RPUSD2: variants seen among roughly 807,000 people sequenced by gnomAD.
RPUSD2 encodes the protein RNA pseudouridine synthase domain containing 2.
RPUSD2 carries 31 observed loss-of-function variants against 41.5 expected under a neutral mutation model. The observed-to-expected ratio is 0.75, with a 90% CI of 0.56 to 1.01. The LOEUF is 1.01. Ranked by LOEUF, RPUSD2 falls within the 50% of genes least tolerant of loss-of-function variation. The probability of loss-of-function intolerance (pLI) is 0.00; values close to 1 mark genes in which losing one functional copy is unlikely to be tolerated. For missense variants in RPUSD2, 749 were observed against 724.7 expected (o/e 1.03, Z -0.38); for synonymous variants, 305 against 289.7 (o/e 1.05, Z -0.54).
rs1012263265 is a variant in RPUSD2, at chr15:40,574,355, A to G, written c.*94A>G. On this transcript the variant is annotated 3_prime_UTR_variant, in exon 3 of 3. Transcript: ENST00000315616. ...CCATGGGCTAGTACTTGGGGTTTCT[A>G]TAGGAATGAGGACGGGCTTCTAAAG... 2.7e-6 allele frequency: 4 copies of G among 1,457,794 alleles called. No individual in the cohort carries two copies. Among genetic ancestry groups the G allele is most frequent in the African/African-American group, 2.8e-5 (2 of 70,918 alleles). 90.3% of individuals were successfully genotyped at this position (1,457,794 alleles called of 1,614,324 possible).
chr15:40,574,105 G>A lies in RPUSD2; in HGVS notation c.1482G>A (p.Glu494=), dbSNP rs1566990660. ...KAVETDVMNQ[E]TDPLCAECRL... ...TTGAAACAGATGTCATGAATCAAGA[G>A]ACAGACCCACTCTGTGCAGAGTGCC... Residue 494 remains glutamate, a synonymous_variant, in exon 3 of 3, where the codon GAG becomes GAA. Transcript: ENST00000315616. The A allele has an allele frequency of 6.2e-7, 1 of 1,614,206 alleles. No individual in the cohort carries two copies.
At position 40,571,911 on chromosome 15, in the gene RPUSD2, C is replaced by T. The variant is rs368469457; in HGVS notation, c.903+11C>T. 3.8e-5 allele frequency: 61 copies of T among 1,610,448 alleles called. No individual in the cohort carries two copies. The highest frequency in any genetic ancestry group is 4.9e-5 in the Non-Finnish European group (58 of 1,178,292). On this transcript the variant is annotated intron_variant, in intron 2 of 2. Coordinates refer to ENST00000315616, the MANE Select transcript of RPUSD2 (RefSeq NM_152260.3). ...GTTCGGGACCGGCAGGTGAGTCAGG[C>T]TTTTGTCTCCTACAGGCCACTTCTT...
chr15:40,573,441 A>T, intron 2 of RPUSD2, 86 bp from the exon 3 acceptor site: 7 of 1,453,730 alleles, frequency 4.8e-6, no homozygotes, highest in Non-Finnish European at 5.6e-6. Context: ...GAATTTTCTG[A>T]CACTGGTCCT....
At chr15:40,572,732 AAAGAAATAAATTAACAT>A (rs1891170019) in intron 2 of RPUSD2, among the ~76,000 whole-genome samples, 1 of 152,186 alleles carries the variant, frequency 6.6e-6, no homozygotes, top group Admixed American at 6.5e-5. Context: ...ACTCCGTCTC[AAAGAAATAAATTAACAT>A]AAGAAAATAA....
In RPUSD2 at chr15:40,569,486, G is replaced by A. The variant is rs1278749469; in HGVS notation, c.149G>A (p.Arg50Lys). ...STQVGTEGGL[R>K]ASHQQNGDAG... The stretch of plus-strand genomic sequence containing the variant: ...CAGGTTGGGACAGAGGGCGGGCTGA[G>A]GGCTTCGCATCAGCAAAACGGTGAC... Residue 50 changes from arginine (R) to lysine (K), a missense_variant, in exon 1 of 3, where the codon AGG becomes AAG. By Grantham distance (26) the Arg-to-Lys change is conservative. Transcript: ENST00000315616. 1.3e-6 allele frequency: 2 copies of A among 1,564,344 alleles called. No individual in the cohort carries two copies. The highest frequency in any genetic ancestry group is 1.7e-6 in the Non-Finnish European group (2 of 1,159,492).
Position 40,569,332 on chromosome 15 carries a change from G to A in RPUSD2, c.-6G>A. 4 of 1,460,614 alleles carry A rather than the reference G, an allele frequency of 2.7e-6. No individual in the cohort carries two copies. Among genetic ancestry groups the A allele is most frequent in the Non-Finnish European group, 2.7e-6 (3 of 1,105,862 alleles). The allele number at this position is 1,460,614 out of a possible 1,614,324, so 90.5% of individuals were successfully genotyped here. ...ACCCTGGGAGTGGAGTGGGGGCAGC[G>A]TGGTTATGTGGCTGGACCGCCGCGG... On this transcript the variant is annotated 5_prime_UTR_variant, in exon 1 of 3. The change creates a new upstream start codon in the 5' untranslated region. Coordinates refer to ENST00000315616, the MANE Select transcript of RPUSD2 (RefSeq NM_152260.3).
Position 40,569,638 on chromosome 15 carries a change from A to T in RPUSD2, c.301A>T (p.Lys101Ter), listed in dbSNP as rs1472499082. The change falls in exon 1 of 3, where the codon AAG (lysine) becomes TAG (stop). Residue 101 changes from lysine to a stop codon, truncating the protein, a stop_gained. Transcript: ENST00000315616. LOFTEE classifies it high-confidence loss of function. ...AAAPGPGKHK[K>*]RRGATRERVV... is the part of the protein sequence containing the mutation. ...AGCCCCAGGCCCGGGCAAGCATAAG[A>T]AGCGGCGGGGCGCAACCAGGGAGCG... The T allele has an allele frequency of 3.9e-6, 6 of 1,541,036 alleles. No homozygotes were observed. The highest frequency in any genetic ancestry group is 3.9e-5 in the Admixed American group (2 of 51,438).
intron 1 of RPUSD2, 51 bp downstream of exon 1, chr15:40,569,994 T>G (rs1595900435): frequency 7.0e-7 from 1 of 1,423,378 alleles, no homozygotes; most frequent in South Asian, 1.5e-5. Context: ...AGGGGCCGGG[T>G]TTTGTTTTGT....
At chr15:40,572,803 C>T (rs1172263305) in intron 2 of RPUSD2, among the ~76,000 whole-genome samples, 1 of 152,032 alleles carries the variant, frequency 6.6e-6, no homozygotes, top group Non-Finnish European at 1.5e-5. Context: ...ATGGGGAGAG[C>T]CTGCTTGGTG....
intron 1 of RPUSD2, among the ~76,000 whole-genome samples, chr15:40,570,857 T>C (rs1024545228): frequency 3.9e-5 from 6 of 152,190 alleles, no homozygotes; most frequent in Non-Finnish European, 7.3e-5. Context: ...CCCAAGAGCA[T>C]GTAGCGAGCC....
At position 40,573,697 on chromosome 15, in the gene RPUSD2, T is replaced by C. The variant is rs1442603828; in HGVS notation, c.1074T>C (p.Ser358=). The change falls in exon 3 of 3, where the codon AGT becomes AGC. Residue 358 remains serine, a synonymous_variant. Transcript: ENST00000315616. ...FQRLSYNGQS[S]VVRCRPLTGR... The stretch of plus-strand genomic sequence containing the variant: ...GGCTAAGCTACAATGGCCAGTCCAG[T>C]GTGGTACGGTGCCGGCCACTCACAG... The C allele has an allele frequency of 1.9e-6, 3 of 1,614,050 alleles. No homozygotes were observed. Among genetic ancestry groups the C allele is most frequent in the African/African-American group, 2.7e-5 (2 of 74,920 alleles).
rs1005892711 is a variant in RPUSD2, at chr15:40,573,562, G to T, written c.939G>T (p.Glu313Asp). The T allele has an allele frequency of 2.3e-5, 37 of 1,613,934 alleles. No individual in the cohort carries two copies. Among genetic ancestry groups the T allele is most frequent in the Non-Finnish European group, 3.1e-5 (37 of 1,179,942 alleles). ...AGTACGTGTGCCGGGTGGAAGGGGA[G>T]TTCCCCACTGAGGAAGTGACCTGTA... ...EKEYVCRVEG[E>D]FPTEEVTCKE... is the part of the protein sequence containing the mutation. The change falls in exon 3 of 3, where the codon GAG (glutamate) becomes GAT (aspartate). Residue 313 changes from glutamate to aspartate, a missense_variant. Glu to Asp is a conservative substitution (Grantham distance 45, BLOSUM62 2). Transcript: ENST00000315616.
chr15:40,572,147 C>T (rs1891155586), intron 2 of RPUSD2, among the ~76,000 whole-genome samples: 1 of 151,878 alleles, frequency 6.6e-6, no homozygotes, highest in Admixed American at 6.6e-5. Flanking sequence ...CTTTAAAATG[C>T]TGACAAGGCC....
At chr15:40,571,149 C>T (rs1039362386) in intron 1 of RPUSD2, among the ~76,000 whole-genome samples, 1 of 152,090 alleles carries the variant, frequency 6.6e-6, no homozygotes, top group Admixed American at 6.6e-5. Flanking sequence ...TGTGCCACCA[C>T]GCCTGCTAAT....
At chr15:40,570,017 T>TGTTTTGTTTTGTTTTG (rs1891105926) in intron 1 of RPUSD2, 74 bp downstream of exon 1, 171 of 1,440,840 alleles carry the variant, frequency 1.2e-4, no homozygotes, top group Non-Finnish European at 1.4e-4. Context: ...TGTTTTGTTT[T>TGTTTTGTTTTGTTTTG]TTAGTCTTAG....
At chr15:40,571,549 T>C in intron 1 of RPUSD2, 55 bp from the exon 2 acceptor site, 1 of 1,535,050 alleles carries the variant, frequency 6.5e-7, no homozygotes, top group Non-Finnish European at 8.9e-7. Flanking sequence ...GATATGAAGT[T>C]GACTGATTAC....
At position 40,569,570 on chromosome 15, in the gene RPUSD2, A is replaced by C; in HGVS notation, c.233A>C (p.Glu78Ala). The C allele has an allele frequency of 6.5e-7, 1 of 1,533,258 alleles. No homozygotes were observed. The highest frequency in any genetic ancestry group is 8.8e-7 in the Non-Finnish European group (1 of 1,142,484). 95.0% of individuals were successfully genotyped at this position (1,533,258 alleles called of 1,614,324 possible). A position where few individuals can be genotyped will look rare whatever the true frequency, so the allele number is the denominator to read the frequency against. Residue 78 changes from glutamate to alanine, a missense_variant, in exon 1 of 3, where the codon GAA becomes GCA. Physicochemically the swap from Glu to Ala is moderately radical, Grantham distance 107. Coordinates refer to ENST00000315616, the MANE Select transcript of RPUSD2 (RefSeq NM_152260.3). ...SPGPPKPAGR[E>A]VEPAPVGGEH... ...GGGCCCCCGAAGCCGGCTGGCCGGG[A>C]AGTGGAGCCGGCCCCAGTAGGCGGG...
intron 2 of RPUSD2, among the ~76,000 whole-genome samples, chr15:40,572,748 A>G (rs1055085059): frequency 1.3e-5 from 2 of 152,088 alleles, no homozygotes; most frequent in African/African-American, 2.4e-5. Flanking sequence ...ATAAATTAAC[A>G]TAAGAAAATA....
rs1433504966 is a variant in RPUSD2, at chr15:40,571,571, C to G, written c.607-33C>G. 3 of 1,604,594 alleles carry G rather than the reference C, an allele frequency of 1.9e-6. No individual in the cohort carries two copies. The African/African-American group carries it at 4.0e-5, about 21-fold the overall frequency. On this transcript the variant is annotated intron_variant, in intron 1 of 2. Coordinates refer to ENST00000315616, the MANE Select transcript of RPUSD2 (RefSeq NM_152260.3). ...AGTTGACTGATTACAGGCTGCGGTC[C>G]CTAGGCTGACTTATTACCTATGTCT...
Sources: gnomAD v4.1 joint callset for allele counts (sites outside exome capture counted in the v4.1 genomes callset) on GRCh38, gnomAD v4.1.1 for gene constraint, MANE v1.5 for transcripts, NCBI Gene and HGNC (gene_info 2026-07-23, HGNC 2026-07-21) for gene names.